HECTD4: variants seen among roughly 807,000 people sequenced by gnomAD.
HECTD4 encodes HECT domain E3 ubiquitin protein ligase 4.
Under a neutral mutation model 471.5 loss-of-function variants are expected in HECTD4, and 114 were observed. The observed-to-expected ratio is 0.24, with a 90% CI of 0.21 to 0.28. The LOEUF (loss-of-function observed/expected upper bound fraction) is 0.28. Among genes scored for constraint, HECTD4 ranks in the 10% least tolerant of loss-of-function variants. The pLI is 1.00. For synonymous variants in HECTD4, 2,012 were observed against 2,256.0 expected (o/e 0.89, Z 3.07); for missense variants, 3,866 against 5,651.5 (o/e 0.68, Z 10.13).
chr12:112,285,967 T>G (rs2034744573), intron 7 of HECTD4, among the ~76,000 whole-genome samples: 1 of 152,164 alleles, frequency 6.6e-6, no homozygotes, highest in Non-Finnish European at 1.5e-5. Flanking sequence ...TCAATCACTT[T>G]AAGCTTGGCA....
At chr12:112,368,855 A>G (rs1463680684) in intron 1 of HECTD4, among the ~76,000 whole-genome samples, 1 of 152,204 alleles carries the variant, frequency 6.6e-6, no homozygotes, top group Non-Finnish European at 1.5e-5. Flanking sequence ...CACTTAATAT[A>G]GGTATTTTTC....
chr12:112,170,595 G>T, intron 68 of HECTD4, 143 bp from the exon 69 acceptor site: 1 of 1,026,634 alleles, frequency 9.7e-7, no homozygotes, highest in Non-Finnish European at 1.4e-6. Context: ...GTGGAGGGTG[G>T]TGTGTCAGCA....
intron 13 of HECTD4, among the ~76,000 whole-genome samples, chr12:112,269,233 G>A (rs2034361183): frequency 6.6e-6 from 1 of 152,086 alleles, no homozygotes; most frequent in Non-Finnish European, 1.5e-5. Flanking sequence ...CTTTGCATCA[G>A]GCCTTACCTT....
chr12:112,167,233 A>T, intron 72 of HECTD4, 84 bp downstream of exon 72: 1 of 1,207,378 alleles, frequency 8.3e-7, no homozygotes, highest in Non-Finnish European at 1.2e-6. Flanking sequence ...CTCAGCGGGG[A>T]GCTCGGGTCT....
chr12:112,177,341 T>G (rs1223415865), intron 64 of HECTD4, among the ~76,000 whole-genome samples: 4 of 152,176 alleles, frequency 2.6e-5, no homozygotes, highest in Non-Finnish European at 5.9e-5. Flanking sequence ...TCTATTAAAT[T>G]TATATGCATA....
rs754611758 is a variant in HECTD4, at chr12:112,167,857, G to A, written c.12269C>T (p.Ser4090Leu). 6.8e-6 allele frequency: 11 copies of A among 1,613,512 alleles called. No homozygotes were observed. The East Asian group carries it at 1.6e-4, about 23-fold the overall frequency. The stretch of plus-strand genomic sequence containing the variant: ...TGAGCTGGGGCACAGCAGCAGCAGC[G>A]ACAGCGAGGAACTCTGCAGCTCCTT... ...VCKELQSSSL[S>L]LLLLCPSSAV... Residue 4090 changes from serine (S) to leucine (L), a missense_variant, in exon 71 of 76, where the codon TCG (serine) becomes TTG (leucine). By Grantham distance (145) the Ser-to-Leu change is moderately radical (BLOSUM62 -2). Around this residue, in one of 16 missense-constraint regions of HECTD4, gnomAD observed 715 missense variants for 1,087.6 expected, o/e 0.66. Transcript: ENST00000682272.
intron 1 of HECTD4, among the ~76,000 whole-genome samples, chr12:112,340,210 G>A (rs1356650851): frequency 6.6e-6 from 1 of 152,206 alleles, no homozygotes; most frequent in African/African-American, 2.4e-5. Flanking sequence ...CTGGAAAGCA[G>A]ACTAAGATCA....
chr12:112,176,884 A>G (rs144806747), intron 64 of HECTD4, among the ~76,000 whole-genome samples, 182 bp from the exon 65 acceptor site: 4 of 152,364 alleles, frequency 2.6e-5, no homozygotes, highest in African/African-American at 7.2e-5. Flanking sequence ...TGAGCAAATT[A>G]CAAGGACATA....
chr12:112,351,195 C>T (rs1410931109), intron 1 of HECTD4, among the ~76,000 whole-genome samples: 2 of 152,280 alleles, frequency 1.3e-5, no homozygotes, highest in Middle Eastern at 3.4e-3. Flanking sequence ...TCCTGACTTG[C>T]TTTATCAATG....
At chr12:112,335,096 A>G (rs912141151) in intron 1 of HECTD4, among the ~76,000 whole-genome samples, 2 of 151,918 alleles carry the variant, frequency 1.3e-5, no homozygotes, top group African/African-American at 4.8e-5. Flanking sequence ...AAAATGTGCC[A>G]CCCACCCAAA....
Position 112,188,781 on chromosome 12 carries a change from C to A in HECTD4, c.9472+2005G>T, listed in dbSNP as rs2031973061. Among the ~76,000 whole-genome samples the A allele has an allele frequency of 6.6e-6, 1 of 152,232 alleles. No homozygotes were observed. The highest frequency in any genetic ancestry group is 6.5e-5 in the Admixed American group (1 of 15,286). On this transcript the variant is annotated intron_variant, in intron 60 of 75. Coordinates refer to ENST00000682272, the MANE Select transcript of HECTD4 (RefSeq NM_001388303.1). The surrounding 1 kb of genome is among the most constrained non-coding windows in gnomAD (Gnocchi z 4.2). The stretch of plus-strand genomic sequence containing the variant: ...TGGTTGGAAACAAGTTTGTGACTGT[C>A]CTGGAACATGGGCTCTCATAGAACC...
rs142284411 is a variant in HECTD4, at chr12:112,167,767, A to G, written c.12312+47T>C. 1.1e-3 allele frequency: 1,600 copies of G among 1,515,370 alleles called. 11 individuals carry two copies. In the African/African-American group the frequency reaches 0.018, roughly 17 times the overall value. The allele number at this position is 1,515,370 out of a possible 1,614,324, so 93.9% of individuals were successfully genotyped here. On this transcript the variant is annotated intron_variant, in intron 71 of 75. Transcript: ENST00000682272. ...CTGCCCGCCACCCCAGCCACTGCGC[A>G]GGACATGAGCTCGGGGGCGTGGAGC...
At position 112,162,427 on chromosome 12, in the gene HECTD4, C is replaced by T. The variant is rs1466814134; in HGVS notation, c.13217G>A (p.Arg4406His). Reference sequence around the variant, plus strand: ...GTCTTCACGGTAGTGAATGGCACAACGAAGTTTCTCCAGCATGATTTCCAG... The same window carrying T: ...GTCTTCACGGTAGTGAATGGCACAATGAAGTTTCTCCAGCATGATTTCCAG... ...SSLEIMLEKL[R>H]CAIHYREDPL... The change falls in exon 76 of 76, where the codon CGT becomes CAT. Residue 4406 changes from arginine (R) to histidine (H), a missense_variant. Arg to His is a conservative substitution (Grantham distance 29). This residue lies in a region of HECTD4 where 715 missense variants were observed against 1,087.6 expected (regional missense o/e 0.66). Transcript: ENST00000682272. The surrounding 1 kb of genome is among the most constrained non-coding windows in gnomAD (Gnocchi z 5.2). The T allele has an allele frequency of 1.2e-5, 19 of 1,613,908 alleles. No homozygotes were observed. The highest frequency in any genetic ancestry group is 3.3e-4 in the Middle Eastern group (2 of 6,080).
In HECTD4 at chr12:112,231,597, T is replaced by A; in HGVS notation, c.6116A>T (p.Glu2039Val). The A allele has an allele frequency of 6.2e-7, 1 of 1,614,000 alleles. No individual in the cohort carries two copies. The highest frequency in any genetic ancestry group is 1.1e-5 in the South Asian group (1 of 91,078). ...GCCTGTGGATAGTCCACTCACAGTC[T>A]CTGGGTTGATAGACTCTACAGGTGG... Reference protein sequence around the residue: ...IGPPVESINPETVSGLSTGDK... With the variant: ...IGPPVESINPVTVSGLSTGDK... The change falls in exon 39 of 76, where the codon GAG becomes GTG. Residue 2039 changes from glutamate to valine, a missense_variant. Around this residue, in one of 16 missense-constraint regions of HECTD4, gnomAD observed 617 missense variants for 915.1 expected, o/e 0.67. Transcript: ENST00000682272.
intron 1 of HECTD4, among the ~76,000 whole-genome samples, chr12:112,323,965 T>TCTTC (rs1248538588): frequency 8.0e-4 from 35 of 43,970 alleles, no homozygotes; most frequent in Non-Finnish European, 1.1e-3. Context: ...TTTCTTTCTT[T>TCTTC]CTTCCTTCCT....
rs758273849 is a variant in HECTD4, at chr12:112,262,515, C to CAAAAAAAAAAAAAAAA, written c.2749-1102_2749-1087dup. On this transcript the variant is annotated intron_variant, in intron 17 of 75. Coordinates refer to ENST00000682272, the MANE Select transcript of HECTD4 (RefSeq NM_001388303.1). ...TGGGCGACAAAGAGAGACTCCATCT[C>CAAAAAAAAAAAAAAAA]AAAAAAAAAAAAAAAAAAAAAAAAA... Among the ~76,000 whole-genome samples, 6 of 19,762 alleles carry CAAAAAAAAAAAAAAAA rather than the reference C, an allele frequency of 3.0e-4. 2 individuals are homozygous for CAAAAAAAAAAAAAAAA. The highest frequency in any genetic ancestry group is 1.8e-3 in the Admixed American group (2 of 1,136). 13.0% of individuals were successfully genotyped at this position (19,762 alleles called of 152,430 possible).
In HECTD4 at chr12:112,247,021, C is replaced by T; in HGVS notation, c.4393G>A (p.Ala1465Thr). Residue 1465 changes from alanine to threonine, a missense_variant, in exon 29 of 76, where the codon GCT becomes ACT. Transcript: ENST00000682272. ...CTCTTCACTAACGTCTTTGTTTTAG[C>T]CAGTGGGTGTGAGGGTTTCTGAATA... ...SLIQKPSHPL[A>T]KTKTLVKSLM... is the part of the protein sequence containing the mutation. The T allele has an allele frequency of 6.2e-7, 1 of 1,611,090 alleles. No homozygotes were observed. Among genetic ancestry groups the T allele is most frequent in the Non-Finnish European group, 8.5e-7 (1 of 1,179,338 alleles).
chr12:112,366,731 AT>A (rs1048033067), intron 1 of HECTD4, among the ~76,000 whole-genome samples: 10 of 151,638 alleles, frequency 6.6e-5, no homozygotes, highest in Non-Finnish European at 1.2e-4. Context: ...AAATACAAAA[AT>A]TAGCCAGACA....
chr12:112,247,130 C>A, intron 28 of HECTD4, 54 bp from the exon 29 acceptor site: 2 of 1,359,642 alleles, frequency 1.5e-6, no homozygotes, highest in Admixed American at 5.0e-5. Context: ...TCAAAAACAA[C>A]TATTAAAAAA....
Sources: gnomAD v4.1 joint callset for allele counts (sites outside exome capture counted in the v4.1 genomes callset) on GRCh38, gnomAD v4.1.1 for gene constraint, gnomAD v4.1.1 regional missense constraint, Gnocchi (gnomAD v3.1) non-coding constraint, MANE v1.5 for transcripts, NCBI Gene and HGNC (gene_info 2026-07-23, HGNC 2026-07-21) for gene names.